The following COBL variants were observed in gnomAD, a reference collection of about 807,000 sequenced individuals.
COBL encodes protein cordon-bleu.
Under a neutral mutation model 98.8 loss-of-function variants are expected in COBL, and 51 were observed. That is an observed-to-expected ratio of 0.52 (90% confidence interval 0.41 to 0.65). COBL has a LOEUF of 0.65. Ranked by LOEUF, COBL falls within the 30% of genes least tolerant of loss-of-function variation. COBL has a pLI of 0.00. For missense variants in COBL, 1,617 were observed against 1,617.5 expected, an observed-to-expected ratio of 1.00 and a Z score of 0.01; for synonymous variants, 634 against 651.7, an observed-to-expected ratio of 0.97 and a Z score of 0.41.
At chr7:51,147,477 C>A (rs747477762) in intron 5 of COBL, among the ~76,000 whole-genome samples, 4 of 152,196 alleles carry the variant, frequency 2.6e-5, no homozygotes, top group Non-Finnish European at 5.9e-5. Context: ...CACCTTACTG[C>A]TGTATCTGGT....
At chr7:51,307,219 C>T (rs1165075112) in intron 1 of COBL, among the ~76,000 whole-genome samples, 1 of 152,122 alleles carries the variant, frequency 6.6e-6, no homozygotes, top group African/African-American at 2.4e-5. Flanking sequence ...CGTGGTGGTG[C>T]AGGCCTGTGA....
intron 7 of COBL, chr7:51,064,679 T>C (rs1451954528): frequency 1.3e-5 from 2 of 153,766 alleles, no homozygotes; most frequent in East Asian, 3.8e-4. Context: ...GTCCTGGAGA[T>C]CGGTTTCACA....
At chr7:51,268,682 A>G (rs1363704459) in intron 1 of COBL, among the ~76,000 whole-genome samples, 1 of 152,034 alleles carries the variant, frequency 6.6e-6, no homozygotes, top group Non-Finnish European at 1.5e-5. Flanking sequence ...CCATAACCCC[A>G]GCATTTTGGG....
chr7:51,271,269 G>A (rs1446502003), intron 1 of COBL, among the ~76,000 whole-genome samples: 2 of 152,204 alleles, frequency 1.3e-5, no homozygotes, highest in Admixed American at 1.3e-4. Context: ...AGCTTGCAGG[G>A]CACACCATGC....
At chr7:51,252,292 G>A (rs1796791636) in intron 1 of COBL, among the ~76,000 whole-genome samples, 2 of 151,948 alleles carry the variant, frequency 1.3e-5, no homozygotes, top group South Asian at 2.1e-4. Flanking sequence ...ACTGAGTTGC[G>A]GGACCATCAC....
At chr7:51,316,244 C>T (rs566590024) in intron 1 of COBL, 2 of 203,570 alleles carry the variant, frequency 9.8e-6, no homozygotes, top group East Asian at 1.2e-4. Context: ...TCCACCCCTA[C>T]GGCAAACACT....
chr7:51,051,178 CTTCT>C (rs1354517622), intron 7 of COBL, among the ~76,000 whole-genome samples: 2 of 152,184 alleles, frequency 1.3e-5, no homozygotes, highest in African/African-American at 2.4e-5. Context: ...GAAAATCCTT[CTTCT>C]TTAAGACTGT....
intron 1 of COBL, among the ~76,000 whole-genome samples, chr7:51,273,086 TG>T (rs1349403985): frequency 6.6e-6 from 1 of 152,118 alleles, no homozygotes; most frequent in Non-Finnish European, 1.5e-5. Context: ...CCCAGCACTT[TG>T]GGAGGCCAAG....
At position 51,031,171 on chromosome 7, in the gene COBL, T is replaced by A. The variant is rs1788107612; in HGVS notation, c.1407-262A>T. Reference sequence around the variant, plus strand: ...GTATATGTCTTGTATGTGGTGGACATGTGATATATGGTGTGTGTGTGGGGC... The same window carrying A: ...GTATATGTCTTGTATGTGGTGGACAAGTGATATATGGTGTGTGTGTGGGGC... On this transcript the variant is annotated intron_variant, in intron 8 of 12. Transcript: ENST00000265136. 1.4e-5 allele frequency: 6 copies of A among 430,730 alleles called. No individual in the cohort carries two copies. In the South Asian group the frequency reaches 2.5e-4, roughly 18 times the overall value. 26.7% of individuals were successfully genotyped at this position (430,730 alleles called of 1,614,324 possible). A position where few individuals can be genotyped will look rare whatever the true frequency, so the allele number is the denominator to read the frequency against.
chr7:51,164,495 T>C (rs1787106087), intron 5 of COBL, among the ~76,000 whole-genome samples: 1 of 152,110 alleles, frequency 6.6e-6, no homozygotes, highest in Non-Finnish European at 1.5e-5. Context: ...AAAAAATACT[T>C]TTACCCTAGA....
intron 3 of COBL, among the ~76,000 whole-genome samples, chr7:51,192,509 G>A (rs1351467086): frequency 6.6e-6 from 1 of 152,112 alleles, no homozygotes; most frequent in Non-Finnish European, 1.5e-5. Flanking sequence ...AGGAGGCTGA[G>A]GCAGAAGAAC....
intron 1 of COBL, among the ~76,000 whole-genome samples, chr7:51,247,248 G>A (rs1434992510): frequency 1.3e-5 from 2 of 152,078 alleles, no homozygotes; most frequent in African/African-American, 2.4e-5. Context: ...CAAACACCAT[G>A]AGCTTGGAGT....
chr7:51,168,790 T>C (rs373407470), intron 5 of COBL, among the ~76,000 whole-genome samples: 6 of 152,292 alleles, frequency 3.9e-5, no homozygotes, highest in African/African-American at 1.4e-4. Flanking sequence ...GAAAGGAAAT[T>C]AGTATATTGA....
intron 7 of COBL, among the ~76,000 whole-genome samples, chr7:51,073,708 C>A (rs1295401): frequency 0.54 from 81,200 of 151,706 alleles, 22,134 homozygotes; most frequent in East Asian, 0.77. Flanking sequence ...CCTTACAAGC[C>A]GAGACACGAA....
chr7:51,151,964 T>C (rs560147082), intron 5 of COBL, among the ~76,000 whole-genome samples: 5 of 152,326 alleles, frequency 3.3e-5, no homozygotes, highest in Admixed American at 6.5e-5. Flanking sequence ...GCAAAACATC[T>C]CTTTAATGAT....
chr7:51,246,098 T>G (rs1187598293), intron 1 of COBL, among the ~76,000 whole-genome samples: 1 of 152,138 alleles, frequency 6.6e-6, no homozygotes, highest in African/African-American at 2.4e-5. Flanking sequence ...ATTTAGAAAA[T>G]ATTTCACACT....
intron 1 of COBL, among the ~76,000 whole-genome samples, chr7:51,244,343 T>C (rs1796090194): frequency 6.6e-6 from 1 of 152,248 alleles, no homozygotes; most frequent in Non-Finnish European, 1.5e-5. Flanking sequence ...CCTGCTGTCA[T>C]CCACCAAGGC....
chr7:51,215,906 G>GC (rs1792990165), intron 2 of COBL, among the ~76,000 whole-genome samples: 2 of 152,380 alleles, frequency 1.3e-5, no homozygotes, highest in South Asian at 4.1e-4. Flanking sequence ...ACCTGCTGCT[G>GC]CAAGAGTCCT....
intron 5 of COBL, among the ~76,000 whole-genome samples, chr7:51,151,528 G>A (rs896335378): frequency 1.3e-5 from 2 of 152,146 alleles, no homozygotes; most frequent in Admixed American, 6.5e-5. Context: ...AAAAACTAAC[G>A]TTCTGATTTT....
Sources: gnomAD v4.1 joint callset for allele counts (sites outside exome capture counted in the v4.1 genomes callset) on GRCh38, gnomAD v4.1.1 for gene constraint, MANE v1.5 for transcripts, NCBI Gene and HGNC (gene_info 2026-07-23, HGNC 2026-07-21) for gene names.